BTAF1: variants seen among roughly 807,000 people sequenced by gnomAD.
The protein encoded by BTAF1 is B-TFIID TATA-box binding protein associated factor 1, also known as TATA-binding protein-associated factor 172.
In BTAF1, 38 loss-of-function variants were observed where a neutral mutation model predicts 227.1. The ratio of observed to expected loss-of-function variants is 0.17; its 90% CI spans 0.13 to 0.22. The LOEUF (loss-of-function observed/expected upper bound fraction) is 0.22, where lower values mean the gene tolerates loss of function less well. Ranked by LOEUF, BTAF1 falls within the 10% of genes least tolerant of loss-of-function variation. BTAF1 has a pLI of 1.00. For synonymous variants in BTAF1, 742 were observed against 751.9 expected (o/e 0.99, Z 0.21); for missense variants, 1,598 against 2,204.0 (o/e 0.73, Z 5.51).
Position 91,993,783 on chromosome 10 carries a change from G to T in BTAF1, c.3135G>T (p.Lys1045Asn). The T allele has an allele frequency of 6.2e-7, 1 of 1,609,150 alleles. No homozygotes were observed. Residue 1045 changes from lysine (K) to asparagine (N), a missense_variant, in exon 22 of 38, where the codon AAG becomes AAT. By Grantham distance (94) the Lys-to-Asn change is moderately conservative (BLOSUM62 0). Coordinates refer to ENST00000265990, the MANE Select transcript of BTAF1 (RefSeq NM_003972.3). ...ATTTTGGTGGTGAAATGGCAGTGAA[G>T]TTGCCACATCTCTGGGATGCTATGG... is the stretch of plus-strand genomic sequence containing the variant. ...VKHFGGEMAV[K>N]LPHLWDAMVG...
Position 91,950,152 on chromosome 10 carries a change from G to C in BTAF1, c.401-1251G>C, listed in dbSNP as rs926646512. ...AGTGAGAGACCTTGTCCTTTGTGGG[G>C]GGGGGCGGGAAAGAAGACTAGGTTT... On this transcript the variant is annotated intron_variant, in intron 4 of 37. Transcript: ENST00000265990. 5.9e-4 allele frequency among the ~76,000 whole-genome samples: 51 copies of C among 86,138 alleles called. 3 individuals are homozygous for C. Among genetic ancestry groups the C allele is most frequent in the African/African-American group, 1.3e-3 (34 of 25,706 alleles). The allele number at this position is 86,138 out of a possible 152,430, so 56.5% of individuals were successfully genotyped here.
Position 91,959,158 on chromosome 10 carries a change from A to G in BTAF1, c.990+4A>G. On this transcript the variant is annotated splice_donor_region_variant and intron_variant, in intron 9 of 37. Coordinates refer to ENST00000265990, the MANE Select transcript of BTAF1 (RefSeq NM_003972.3). ...GGGTGACAGCACTTTAGAAGAGGTA[A>G]GTGTATTAATGCAACAATTATCACC... 6.2e-7 allele frequency: 1 copy of G among 1,614,004 alleles called. No homozygotes were observed. Among genetic ancestry groups the G allele is most frequent in the Non-Finnish European group, 8.5e-7 (1 of 1,179,942 alleles).
Position 91,953,807 on chromosome 10 carries a change from C to G in BTAF1, c.635C>G (p.Ala212Gly). Residue 212 changes from alanine to glycine, a missense_variant, in exon 6 of 38, where the codon GCT becomes GGT. By Grantham distance (60) the Ala-to-Gly change is moderately conservative (BLOSUM62 0). Around this residue, in one of 10 missense-constraint regions of BTAF1, gnomAD observed 298 missense variants for 395.2 expected, o/e 0.75. Coordinates refer to ENST00000265990, the MANE Select transcript of BTAF1 (RefSeq NM_003972.3). ...ATGAGCAATAGACAAAAGAACAAAG[C>G]TAAAAGAATGGCCAAGTTATTTGCA... ...AGMSNRQKNK[A>G]KRMAKLFAKQ... 6.2e-7 allele frequency: 1 copy of G among 1,613,940 alleles called. No individual in the cohort carries two copies. Among genetic ancestry groups the G allele is most frequent in the Non-Finnish European group, 8.5e-7 (1 of 1,179,928 alleles).
In BTAF1 at chr10:91,974,380, A is replaced by C. The variant is rs1847534769; in HGVS notation, c.1651-6074A>C. Among the ~76,000 whole-genome samples, 3 of 152,216 alleles carry C rather than the reference A, an allele frequency of 2.0e-5. No homozygotes were observed. The South Asian group carries it at 6.2e-4, about 32-fold the overall frequency. ...GCATGCACATCTCTAAAATGTCCTT[A>C]AATAAAACTACAGTTAATGCAGTTG... On this transcript the variant is annotated intron_variant, in intron 14 of 37. Transcript: ENST00000265990.
chr10:91,965,370 C>G (rs1846831267), intron 13 of BTAF1, among the ~76,000 whole-genome samples: 1 of 151,964 alleles, frequency 6.6e-6, no homozygotes, highest in Non-Finnish European at 1.5e-5. Context: ...GTCTGTCTGT[C>G]AAAACTACTA....
chr10:91,928,277 A>T (rs546817187), intron 1 of BTAF1, among the ~76,000 whole-genome samples: 1 of 152,314 alleles, frequency 6.6e-6, no homozygotes, highest in South Asian at 2.1e-4. Context: ...TATGAAATGC[A>T]TGGCCAACTC....
At chr10:91,947,735 CAAAAAA>C (rs34292341) in intron 4 of BTAF1, among the ~76,000 whole-genome samples, 1,542 of 107,314 alleles carry the variant, frequency 0.014, 13 homozygotes, top group Non-Finnish European at 0.019. Flanking sequence ...TCAATGTTTG[CAAAAAA>C]AAAAAAAAAA....
chr10:91,992,333 A>C, intron 21 of BTAF1, 24 bp downstream of exon 21: 1 of 1,220,978 alleles, frequency 8.2e-7, no homozygotes, highest in Admixed American at 2.4e-5. Flanking sequence ...TTTTTTTTTT[A>C]ATGCTTTGAT....
intron 13 of BTAF1, 40 bp from the exon 14 acceptor site, chr10:91,966,597 A>G (rs199769765): frequency 2.1e-5 from 34 of 1,601,932 alleles, no homozygotes; most frequent in Middle Eastern, 1.7e-4. Flanking sequence ...CAGAGTTACA[A>G]CTTAGAATAA....
chr10:91,961,251 C>T (rs11818046), intron 11 of BTAF1, among the ~76,000 whole-genome samples: 4 of 152,060 alleles, frequency 2.6e-5, no homozygotes, highest in Non-Finnish European at 4.4e-5. Context: ...TTTAATTTCC[C>T]GTAATACTTT....
intron 13 of BTAF1, 148 bp downstream of exon 13, chr10:91,964,349 T>G: frequency 1.1e-6 from 1 of 909,526 alleles, no homozygotes. Context: ...CAGAAGGCCT[T>G]GTCTTTTTTA....
chr10:91,960,846 G>A (rs1846461894), intron 11 of BTAF1, among the ~76,000 whole-genome samples: 1 of 152,192 alleles, frequency 6.6e-6, no homozygotes. Flanking sequence ...GAACATTTAT[G>A]TTCCCTTAGT....
rs1845764358 is a variant in BTAF1 at position 91,951,569 on chromosome 10, A to G, written c.564+3A>G. ...CATCCTTTGTTAACAAACAACCTGT[A>G]GGTAAAACGTTTGGTTATTTGATTG... On this transcript the variant is annotated splice_donor_region_variant and intron_variant, in intron 5 of 37. Transcript: ENST00000265990. 3.8e-6 allele frequency: 6 copies of G among 1,579,504 alleles called. 1 individual carries two copies. In the South Asian group the frequency reaches 6.0e-5, roughly 16 times the overall value.
intron 24 of BTAF1, chr10:91,997,290 T>G: frequency 1.6e-6 from 1 of 633,034 alleles, no homozygotes; most frequent in Non-Finnish European, 2.4e-6. Flanking sequence ...ATTTTGACAT[T>G]GGAATTCCAG....
At chr10:91,985,019 T>C (rs568681630) in intron 19 of BTAF1, among the ~76,000 whole-genome samples, 1 of 152,274 alleles carries the variant, frequency 6.6e-6, no homozygotes, top group South Asian at 2.1e-4. Flanking sequence ...GAAAAATTTA[T>C]GTGCTAAAGC....
intron 21 of BTAF1, 141 bp from the exon 22 acceptor site, chr10:91,993,553 A>AG (rs1848943509): frequency 1.5e-6 from 1 of 658,576 alleles, no homozygotes; most frequent in Admixed American, 3.9e-5. Context: ...TAATTGAGAC[A>AG]AACATGTCTA....
intron 1 of BTAF1, among the ~76,000 whole-genome samples, chr10:91,927,679 A>G (rs924593664): frequency 1.3e-5 from 2 of 152,246 alleles, no homozygotes; most frequent in Admixed American, 6.5e-5. Flanking sequence ...GAGTTGCCAT[A>G]TGAGTTGCCT....
chr10:91,986,594 C>T (rs1209893137), intron 19 of BTAF1, among the ~76,000 whole-genome samples: 2 of 151,974 alleles, frequency 1.3e-5, no homozygotes, highest in Non-Finnish European at 2.9e-5. Context: ...GTTATTTTCC[C>T]GAGTGTTGTT....
chr10:92,002,191 A>G (rs1283853887), intron 25 of BTAF1, among the ~76,000 whole-genome samples: 5 of 152,182 alleles, frequency 3.3e-5, no homozygotes. Context: ...GTGAATTTGA[A>G]GATACATAGC....
Sources: allele counts gnomAD v4.1 joint callset (sites outside exome capture counted in the v4.1 genomes callset), GRCh38; gene constraint gnomAD v4.1.1; regional missense constraint gnomAD v4.1.1; transcripts MANE v1.5; gene names NCBI Gene and HGNC (gene_info 2026-07-23, HGNC 2026-07-21).